The following CDH11 variants were observed in gnomAD, a reference collection of about 807,000 sequenced individuals.
The protein encoded by CDH11 is cadherin 11.
In CDH11, 11 loss-of-function variants were observed where a neutral mutation model predicts 67.8. That is an observed-to-expected ratio of 0.16 (90% CI 0.10 to 0.27). The LOEUF (loss-of-function observed/expected upper bound fraction) is 0.27, where lower values mean the gene tolerates loss of function less well. Ranked by LOEUF, CDH11 falls within the 10% of genes least tolerant of loss-of-function variation. The pLI, the probability that CDH11 is intolerant of heterozygous loss-of-function variation, is 1.00. For synonymous variants in CDH11, 419 were observed against 400.0 expected (o/e 1.05, Z -0.57); for missense variants, 847 against 1,031.2 (o/e 0.82, Z 2.45).
intron 11 of CDH11, among the ~76,000 whole-genome samples, chr16:64,969,131 T>C (rs1372766736): frequency 1.3e-5 from 2 of 152,058 alleles, no homozygotes; most frequent in Non-Finnish European, 2.9e-5. Flanking sequence ...GGTTATATAA[T>C]CTCCTTGAAA....
rs138088413 is a variant in CDH11 at position 64,998,614 on chromosome 16, C to T, written c.471G>A (p.Pro157=). 71 of 1,614,038 alleles carry T rather than the reference C, an allele frequency of 4.4e-5. No individual in the cohort carries two copies. In the African/African-American group the frequency reaches 5.2e-4, roughly 12 times the overall value. Residue 157 remains proline (P), a synonymous_variant, in exon 4 of 13, where the codon CCG becomes CCA. Coordinates refer to ENST00000268603, the MANE Select transcript of CDH11 (RefSeq NM_001797.4). ...CATGATAGGTCTCGTGCAGGAACTCCGGAGGGTTGTCATTAATGTCCTGGA... is the reference window on the plus strand; with the variant it reads ...CATGATAGGTCTCGTGCAGGAACTCTGGAGGGTTGTCATTAATGTCCTGGA... ...VKVQDINDNP[P]EFLHETYHAN...
intron 1 of CDH11, among the ~76,000 whole-genome samples, chr16:65,116,143 T>C (rs2075241472): frequency 6.6e-6 from 1 of 152,222 alleles, no homozygotes; most frequent in Admixed American, 6.5e-5. Context: ...CTTTCCAGAA[T>C]GAGTTTATGG....
intron 1 of CDH11, among the ~76,000 whole-genome samples, chr16:65,082,874 A>G (rs2074633871): frequency 6.6e-6 from 1 of 152,176 alleles, no homozygotes; most frequent in Admixed American, 6.5e-5. Flanking sequence ...TACCTGTTTG[A>G]AAGGCATCAT....
chr16:64,971,882 T>G (rs755097585), intron 10 of CDH11, 49 bp downstream of exon 10: 22 of 1,603,718 alleles, frequency 1.4e-5, no homozygotes, highest in Non-Finnish European at 1.9e-5. Context: ...AAACACACTC[T>G]ATTTCCAAGT....
intron 11 of CDH11, among the ~76,000 whole-genome samples, chr16:64,951,979 T>C (rs889304897): frequency 2.9e-4 from 44 of 152,114 alleles, no homozygotes; most frequent in Non-Finnish European, 5.7e-4. Flanking sequence ...TCAGATATTA[T>C]TTCCCTAACC....
chr16:65,112,638 C>T (rs1293759007), intron 1 of CDH11, among the ~76,000 whole-genome samples: 4 of 152,060 alleles, frequency 2.6e-5, no homozygotes, highest in African/African-American at 9.7e-5. Context: ...CAAATCAAAC[C>T]CTGCCAAAGT....
intron 1 of CDH11, among the ~76,000 whole-genome samples, chr16:65,109,340 C>A (rs1438260722): frequency 6.6e-6 from 1 of 152,136 alleles, no homozygotes; most frequent in Non-Finnish European, 1.5e-5. Context: ...GACTTCACTC[C>A]CTGAAAGAGT....
intron 1 of CDH11, among the ~76,000 whole-genome samples, chr16:65,079,154 C>T (rs2074566847): frequency 6.6e-6 from 1 of 152,118 alleles, no homozygotes; most frequent in Admixed American, 6.6e-5. Context: ...GCATATACAA[C>T]AGAGCTCCTC....
intron 1 of CDH11, among the ~76,000 whole-genome samples, chr16:65,107,822 G>A (rs966468926): frequency 6.6e-6 from 1 of 150,744 alleles, no homozygotes; most frequent in Non-Finnish European, 1.5e-5. Flanking sequence ...AGATTTGAGG[G>A]CCAGGCCATT....
chr16:64,991,946 A>G lies in CDH11; in HGVS notation c.644-11T>C, dbSNP rs35194. Reference sequence around the variant, plus strand: ...CTGTTCTGATGATACCTGGACAGGTAAGCAGGCAACATCACAGATATTCGT... The same window carrying G: ...CTGTTCTGATGATACCTGGACAGGTGAGCAGGCAACATCACAGATATTCGT... On this transcript the variant is annotated splice_polypyrimidine_tract_variant and intron_variant, in intron 5 of 12. Transcript: ENST00000268603. 1,433,701 of 1,576,398 alleles carry G rather than the reference A, an allele frequency of 0.91. 652,479 individuals carry two copies. Among genetic ancestry groups the G allele is most frequent in the East Asian group, 1 (44,273 of 44,286 alleles).
At chr16:65,073,292 A>AT (rs2074451456) in intron 1 of CDH11, among the ~76,000 whole-genome samples, 2 of 152,012 alleles carry the variant, frequency 1.3e-5, no homozygotes, top group Non-Finnish European at 2.9e-5. Context: ...TAATTAGTTT[A>AT]TTTTTTTACT....
chr16:64,964,018 C>A (rs966570117), intron 11 of CDH11, among the ~76,000 whole-genome samples: 1 of 152,020 alleles, frequency 6.6e-6, no homozygotes, highest in African/African-American at 2.4e-5. Flanking sequence ...AAAAGAAGAG[C>A]GTGGAAGAAG....
intron 1 of CDH11, among the ~76,000 whole-genome samples, chr16:65,056,651 CT>C (rs2074149127): frequency 6.6e-6 from 1 of 152,150 alleles, no homozygotes; most frequent in Non-Finnish European, 1.5e-5. Flanking sequence ...AAAGGTAAGA[CT>C]CTTGCTGAAA....
chr16:65,068,855 A>G (rs1454533512), intron 1 of CDH11, among the ~76,000 whole-genome samples: 1 of 152,228 alleles, frequency 6.6e-6, no homozygotes, highest in Non-Finnish European at 1.5e-5. Flanking sequence ...ATTAAGAAAG[A>G]TGCTTGCTTT....
chr16:65,123,011 C>G (rs1447124886), upstream of CDH11, among the ~76,000 whole-genome samples: 1 of 152,210 alleles, frequency 6.6e-6, no homozygotes, highest in Non-Finnish European at 1.5e-5. Context: ...TAGCTCCTTC[C>G]TCCGCTGTTC....
chr16:65,104,368 A>G (rs1248708168), intron 1 of CDH11, among the ~76,000 whole-genome samples: 1 of 152,202 alleles, frequency 6.6e-6, no homozygotes, highest in Non-Finnish European at 1.5e-5. Flanking sequence ...CTCACTAGCC[A>G]TAGAACCCAG....
intron 2 of CDH11, among the ~76,000 whole-genome samples, chr16:65,026,359 C>T (rs934693452): frequency 6.6e-6 from 1 of 152,106 alleles, no homozygotes; most frequent in Non-Finnish European, 1.5e-5. Flanking sequence ...ATATGCCTAG[C>T]TAATGCCCAA....
Position 65,004,984 on chromosome 16 carries a change from G to T in CDH11, c.-115C>A. The T allele has an allele frequency of 5.6e-6, 8 of 1,424,230 alleles. No individual in the cohort carries two copies. The highest frequency in any genetic ancestry group is 7.4e-6 in the Non-Finnish European group (8 of 1,085,910). 88.2% of individuals were successfully genotyped at this position (1,424,230 alleles called of 1,614,324 possible). On this transcript the variant is annotated 5_prime_UTR_variant, in exon 3 of 13. Transcript: ENST00000268603. Reference sequence around the variant, plus strand: ...CGTCACGCAGACCTCTCTTGGGATGGAATGTCTCTGCTGGTTGAGCTCATC... The same window carrying T: ...CGTCACGCAGACCTCTCTTGGGATGTAATGTCTCTGCTGGTTGAGCTCATC...
rs1346478533 is a variant in CDH11, at chr16:64,945,035, T to TAATG, written c.*2564_*2567dup. 2 of 207,800 alleles carry TAATG rather than the reference T, an allele frequency of 9.6e-6. No homozygotes were observed. The highest frequency in any genetic ancestry group is 2.0e-5 in the Non-Finnish European group (2 of 102,084). 12.9% of individuals were successfully genotyped at this position (207,800 alleles called of 1,614,324 possible). On this transcript the variant is annotated 3_prime_UTR_variant, in exon 13 of 13. Transcript: ENST00000268603. Reference sequence around the variant, plus strand: ...TTTATAAAATAAGATTTTGATGAATTAATGAATGAATCAATGAATGAATGA... The same window carrying TAATG: ...TTTATAAAATAAGATTTTGATGAATTAATGAATGAATGAATCAATGAATGAATGA...
Sources: gnomAD v4.1 joint callset for allele counts (sites outside exome capture counted in the v4.1 genomes callset) on GRCh38, gnomAD v4.1.1 for gene constraint, MANE v1.5 for transcripts, NCBI Gene and HGNC (gene_info 2026-07-23, HGNC 2026-07-21) for gene names.